METTL15: variants seen among roughly 807,000 people sequenced by gnomAD.
METTL15 encodes the protein methyltransferase 15, mitochondrial 12S rRNA N4-cytidine.
Under a neutral mutation model 38.3 loss-of-function variants are expected in METTL15, and 34 were observed. That is an observed-to-expected ratio of 0.89 (90% CI 0.68 to 1.18). The LOEUF is 1.18. Among genes scored for constraint, METTL15 ranks in the 50% most tolerant of loss-of-function variants. METTL15 has a pLI of 0.00. For synonymous variants in METTL15, 162 were observed against 170.9 expected (o/e 0.95, Z 0.41); for missense variants, 438 against 498.4 (o/e 0.88, Z 1.15).
chr11:28,407,478 C>A (rs546527412), intron 5 of METTL15, among the ~76,000 whole-genome samples: 1 of 152,168 alleles, frequency 6.6e-6, no homozygotes, highest in African/African-American at 2.4e-5. Flanking sequence ...AAAAAAACAA[C>A]CCCTTTAAAA....
At chr11:28,469,493 C>T (rs1471386479) in intron 6 of METTL15, among the ~76,000 whole-genome samples, 1 of 152,090 alleles carries the variant, frequency 6.6e-6, no homozygotes, top group African/African-American at 2.4e-5. Context: ...TCACCATGCA[C>T]TTGATCTAGA....
intron 6 of METTL15, among the ~76,000 whole-genome samples, chr11:28,322,592 A>G (rs1175067783): frequency 8.5e-5 from 13 of 152,128 alleles, no homozygotes; most frequent in Non-Finnish European, 1.9e-4. Context: ...TTTAGAGAGT[A>G]TATTTAGAAA....
At chr11:28,369,998 CACTT>C (rs1850226391) in intron 5 of METTL15, among the ~76,000 whole-genome samples, 1 of 152,098 alleles carries the variant, frequency 6.6e-6, no homozygotes, top group Non-Finnish European at 1.5e-5. Flanking sequence ...TTAATAGAGT[CACTT>C]AATTTATAAA....
At chr11:28,115,306 T>C (rs1042503877) in intron 3 of METTL15, among the ~76,000 whole-genome samples, 4 of 151,972 alleles carry the variant, frequency 2.6e-5, no homozygotes, top group African/African-American at 9.7e-5. Context: ...TTGCCCAGGC[T>C]GGAGTGCAAT....
intron 5 of METTL15, among the ~76,000 whole-genome samples, chr11:28,382,078 T>G (rs1850392277): frequency 6.6e-6 from 1 of 152,206 alleles, no homozygotes; most frequent in South Asian, 2.1e-4. Flanking sequence ...ATTTGGTATT[T>G]TCCCCAATAG....
At chr11:28,200,775 G>A (rs779948306) in intron 3 of METTL15, among the ~76,000 whole-genome samples, 7 of 152,106 alleles carry the variant, frequency 4.6e-5, no homozygotes, top group African/African-American at 7.2e-5. Flanking sequence ...CTGATACTTT[G>A]CTGAAATTGC....
At chr11:28,531,425 C>T (rs150956530), downstream of METTL15, among the ~76,000 whole-genome samples, 325 of 152,060 alleles carry the variant, frequency 2.1e-3, 4 homozygotes, top group Admixed American at 0.019. Flanking sequence ...TATTCAAGAC[C>T]ACTCCAAACC....
intron 6 of METTL15, among the ~76,000 whole-genome samples, chr11:28,481,822 G>A (rs1851397758): frequency 6.6e-6 from 1 of 152,110 alleles, no homozygotes; most frequent in South Asian, 2.1e-4. Flanking sequence ...ATACCACTTT[G>A]GGAAGCAATA....
intron 6 of METTL15, among the ~76,000 whole-genome samples, chr11:28,479,033 C>T (rs1399597394): frequency 1.3e-5 from 2 of 148,356 alleles, no homozygotes; most frequent in Non-Finnish European, 3.0e-5. Flanking sequence ...ACTTTGAAAA[C>T]TCTAGTTTTT....
At chr11:28,407,356 A>G (rs1374437361) in intron 5 of METTL15, among the ~76,000 whole-genome samples, 3 of 152,250 alleles carry the variant, frequency 2.0e-5, no homozygotes, top group Admixed American at 6.5e-5. Context: ...AAAAGAAACT[A>G]TCATCAGAGT....
At chr11:28,388,730 T>C (rs1404700778) in intron 5 of METTL15, among the ~76,000 whole-genome samples, 2 of 152,142 alleles carry the variant, frequency 1.3e-5, no homozygotes, top group Non-Finnish European at 2.9e-5. Flanking sequence ...ATGCACAACG[T>C]GCAGGTTTGT....
At chr11:28,239,871 C>T (rs1288038836) in intron 4 of METTL15, among the ~76,000 whole-genome samples, 1 of 152,060 alleles carries the variant, frequency 6.6e-6, no homozygotes, top group Non-Finnish European at 1.5e-5. Context: ...ACAACATCAC[C>T]CTTTGACATA....
intron 6 of METTL15, among the ~76,000 whole-genome samples, chr11:28,482,202 T>A (rs1371537198): frequency 6.6e-6 from 1 of 152,218 alleles, no homozygotes; most frequent in Non-Finnish European, 1.5e-5. Context: ...CTACTACTTG[T>A]AATCAGGAGC....
At chr11:28,388,787 C>T (rs1033188971) in intron 5 of METTL15, among the ~76,000 whole-genome samples, 2 of 151,994 alleles carry the variant, frequency 1.3e-5, no homozygotes, top group African/African-American at 4.8e-5. Context: ...CCCATTAACT[C>T]GTCGTTTAAC....
chr11:28,173,874 A>G (rs951579480), intron 3 of METTL15, among the ~76,000 whole-genome samples: 2 of 152,202 alleles, frequency 1.3e-5, no homozygotes, highest in African/African-American at 2.4e-5. Context: ...TGTTTTTCTC[A>G]TGGTTAACTT....
At chr11:28,232,198 A>G (rs1853714478) in intron 4 of METTL15, among the ~76,000 whole-genome samples, 1 of 151,908 alleles carries the variant, frequency 6.6e-6, no homozygotes, top group Non-Finnish European at 1.5e-5. Flanking sequence ...TTATGTAAAA[A>G]TGTTAAGTGA....
intron 4 of METTL15, among the ~76,000 whole-genome samples, chr11:28,224,910 C>T (rs761899753): frequency 1.3e-5 from 2 of 151,194 alleles, no homozygotes; most frequent in Non-Finnish European, 3.0e-5. Flanking sequence ...TTTGATTTTG[C>T]CTCTTCACTA....
At chr11:28,238,635 C>T (rs902266445) in intron 4 of METTL15, among the ~76,000 whole-genome samples, 8 of 152,210 alleles carry the variant, frequency 5.3e-5, no homozygotes, top group Admixed American at 3.9e-4. Context: ...CACTGTCTGG[C>T]ACTCCCTAGT....
At chr11:28,515,515 C>G (rs912956552) in intron 6 of METTL15, among the ~76,000 whole-genome samples, 4 of 152,218 alleles carry the variant, frequency 2.6e-5, no homozygotes, top group African/African-American at 9.6e-5. Context: ...TGGTAACTTA[C>G]AGCCTATGGG....
Sources: gnomAD v4.1 joint callset for allele counts (sites outside exome capture counted in the v4.1 genomes callset) on GRCh38, gnomAD v4.1.1 for gene constraint, MANE v1.5 for transcripts, NCBI Gene and HGNC (gene_info 2026-07-23, HGNC 2026-07-21) for gene names.